The following KCNQ1OT1 variants were observed in gnomAD, a reference collection of about 807,000 sequenced individuals.
KCNQ1OT1 encodes the protein KCNQ1 opposite strand/antisense transcript 1.
In KCNQ1OT1 at chr11:2,664,084, G is replaced by T. The variant is rs1468591028; in HGVS notation, n.35911C>A. 2.5e-6 allele frequency: 1 copy of T among 398,620 alleles called. No homozygotes were observed. The highest frequency in any genetic ancestry group is 4.4e-6 in the Non-Finnish European group (1 of 226,178). 24.7% of individuals were successfully genotyped at this position (398,620 alleles called of 1,614,324 possible). A position where few individuals can be genotyped will look rare whatever the true frequency, so the allele number is the denominator to read the frequency against. On this transcript the variant is annotated non_coding_transcript_exon_variant, in exon 1 of 1. Transcript: ENST00000597346. The surrounding 1 kb of genome is among the most constrained non-coding windows in gnomAD (Gnocchi z 5.1). ...TCCAGTGATAAGTGGGCCCAGGCAG[G>T]TCAGAGACTCCAGTCATTACCCAAC...
At position 2,682,774 on chromosome 11, in the gene KCNQ1OT1, G is replaced by A; in HGVS notation, n.17221C>T. Reference sequence around the variant, plus strand: ...CTCTGTTGACATTCTAGAAATGCAGGGAAATCTGGGCACCATGAAATGCAG... The same window carrying A: ...CTCTGTTGACATTCTAGAAATGCAGAGAAATCTGGGCACCATGAAATGCAG... On this transcript the variant is annotated non_coding_transcript_exon_variant, in exon 1 of 1. Coordinates refer to ENST00000597346, the Ensembl canonical transcript of KCNQ1OT1. The surrounding 1 kb of genome is among the most constrained non-coding windows in gnomAD (Gnocchi z 5.8). 2.5e-6 allele frequency: 1 copy of A among 398,628 alleles called. No individual in the cohort carries two copies. Among genetic ancestry groups the A allele is most frequent in the Non-Finnish European group, 4.4e-6 (1 of 226,082 alleles). The allele number at this position is 398,628 out of a possible 1,614,324, so 24.7% of individuals were successfully genotyped here.
At chr11:2,618,843 G>A (rs534879363) in exon 1 of KCNQ1OT1, 47 of 398,044 alleles carry the variant, frequency 1.2e-4, no homozygotes, top group Non-Finnish European at 1.9e-4. Context: ...TTTGTATCTT[G>A]TTTAATTTCT....
At position 2,687,611 on chromosome 11, in the gene KCNQ1OT1, C is replaced by A; in HGVS notation, n.12384G>T. On this transcript the variant is annotated non_coding_transcript_exon_variant, in exon 1 of 1. Transcript: ENST00000597346. The surrounding 1 kb of genome is among the most constrained non-coding windows in gnomAD (Gnocchi z 5.0). ...GACTGAGAAAGGAAGGGGCAGAGATCCCTTCTCCATTCCTCTCAGGCCCCT... is the reference window on the plus strand; with the variant it reads ...GACTGAGAAAGGAAGGGGCAGAGATACCTTCTCCATTCCTCTCAGGCCCCT... The A allele has an allele frequency of 2.5e-6, 1 of 398,798 alleles. No individual in the cohort carries two copies. Among genetic ancestry groups the A allele is most frequent in the Non-Finnish European group, 4.4e-6 (1 of 226,200 alleles). The allele number at this position is 398,798 out of a possible 1,614,324, so 24.7% of individuals were successfully genotyped here.
At chr11:2,667,672 G>A (rs1464523690) in exon 1 of KCNQ1OT1, 7 of 398,576 alleles carry the variant, frequency 1.8e-5, no homozygotes, top group Non-Finnish European at 2.7e-5. Context: ...CAGAGCCTCT[G>A]GAGGCTGAAG....
In KCNQ1OT1 at chr11:2,668,045, A is replaced by G; in HGVS notation, n.31950T>C. The G allele has an allele frequency of 2.5e-6, 1 of 398,600 alleles. No homozygotes were observed. The highest frequency in any genetic ancestry group is 4.4e-6 in the Non-Finnish European group (1 of 226,068). The allele number at this position is 398,600 out of a possible 1,614,324, so 24.7% of individuals were successfully genotyped here. On this transcript the variant is annotated non_coding_transcript_exon_variant, in exon 1 of 1. Transcript: ENST00000597346. The surrounding 1 kb of genome is among the most constrained non-coding windows in gnomAD (Gnocchi z 4.3). ...AGCAGCAAGGACCAGCTTTGCCCAC[A>G]TTTGAACTTTATGCGGTGGGAATGA...
exon 1 of KCNQ1OT1, chr11:2,665,566 T>C (rs908138167): frequency 7.6e-5 from 30 of 395,138 alleles, no homozygotes; most frequent in Non-Finnish European, 1.2e-4. Flanking sequence ...CAGATTTCCA[T>C]TCATCTTTCC....
At chr11:2,699,434 G>A (rs1850735470) in exon 1 of KCNQ1OT1, 2 of 402,158 alleles carry the variant, frequency 5.0e-6, no homozygotes, top group Middle Eastern at 6.3e-4. Context: ...AGGAGAGTCT[G>A]GGAGAACCGC....
Position 2,624,410 on chromosome 11 carries a change from T to G in KCNQ1OT1, n.75585A>C. 2.5e-6 allele frequency: 1 copy of G among 398,506 alleles called. No individual in the cohort carries two copies. The highest frequency in any genetic ancestry group is 4.4e-6 in the Non-Finnish European group (1 of 226,022). 24.7% of individuals were successfully genotyped at this position (398,506 alleles called of 1,614,324 possible). On this transcript the variant is annotated non_coding_transcript_exon_variant, in exon 1 of 1. Coordinates refer to ENST00000597346, the Ensembl canonical transcript of KCNQ1OT1. This position sits in a 1 kb window ranked among gnomAD's most constrained non-coding sequence, Gnocchi z 4.9. ...CAGTATGTTTTACAGAGCAGAAACTTTTATTTTTAACAAAGTCTAGCTTAT... is the reference window on the plus strand; with the variant it reads ...CAGTATGTTTTACAGAGCAGAAACTGTTATTTTTAACAAAGTCTAGCTTAT...
exon 1 of KCNQ1OT1, chr11:2,688,535 G>T: frequency 2.5e-6 from 1 of 398,704 alleles, no homozygotes; most frequent in South Asian, 1.3e-4. Context: ...CCAGGCCAGT[G>T]GCCCTAGTGT....
rs1280785208 is a variant in KCNQ1OT1, at chr11:2,648,779, T to C, written n.51216A>G. Reference sequence around the variant, plus strand: ...CCTTGTTGATATTTTTCCATCCAAATGAATTGTCCAATGCTGAGTATGAAA... The same window carrying C: ...CCTTGTTGATATTTTTCCATCCAAACGAATTGTCCAATGCTGAGTATGAAA... On this transcript the variant is annotated non_coding_transcript_exon_variant, in exon 1 of 1. Transcript: ENST00000597346. 5 of 398,392 alleles carry C rather than the reference T, an allele frequency of 1.3e-5. No homozygotes were observed. In the Admixed American group the frequency reaches 1.3e-4, roughly 11 times the overall value. 24.7% of individuals were successfully genotyped at this position (398,392 alleles called of 1,614,324 possible).
exon 1 of KCNQ1OT1, chr11:2,656,061 G>A (rs971157096): frequency 5.0e-6 from 2 of 398,538 alleles, no homozygotes; most frequent in Admixed American, 8.8e-5. Flanking sequence ...TTGGCCCTCA[G>A]GCTTTGGAGA....
chr11:2,618,001 G>A (rs1411813243), exon 1 of KCNQ1OT1: 5 of 398,252 alleles, frequency 1.3e-5, no homozygotes, highest in East Asian at 7.1e-5. Flanking sequence ...TCCTTTTGTT[G>A]ACTGTTTCCG....
At chr11:2,699,121 C>T (rs2133901433) in exon 1 of KCNQ1OT1, 3 of 398,652 alleles carry the variant, frequency 7.5e-6, no homozygotes, top group South Asian at 1.3e-4. Flanking sequence ...AACCACGATG[C>T]GGATTCCAGA....
At position 2,612,123 on chromosome 11, in the gene KCNQ1OT1, ACT is replaced by A; in HGVS notation, n.87870_87871del. The A allele has an allele frequency of 1.8e-5, 7 of 398,592 alleles. No homozygotes were observed. The highest frequency in any genetic ancestry group is 3.1e-5 in the Non-Finnish European group (7 of 226,058). The allele number at this position is 398,592 out of a possible 1,614,324, so 24.7% of individuals were successfully genotyped here. A position where few individuals can be genotyped will look rare whatever the true frequency, so the allele number is the denominator to read the frequency against. Reference sequence around the variant, plus strand: ...GGGGTTCCCAACCCCAGGGCCATGGACTGGTACCAGTCTGTGGCCTATTAGAA... The same window carrying A: ...GGGGTTCCCAACCCCAGGGCCATGGAGGTACCAGTCTGTGGCCTATTAGAA... On this transcript the variant is annotated non_coding_transcript_exon_variant, in exon 1 of 1. Coordinates refer to ENST00000597346, the Ensembl canonical transcript of KCNQ1OT1. The surrounding 1 kb of genome is among the most constrained non-coding windows in gnomAD (Gnocchi z 5.5).
Position 2,658,674 on chromosome 11 carries a change from GA to G in KCNQ1OT1, n.41320del. 1 of 398,416 alleles carries G rather than the reference GA, an allele frequency of 2.5e-6. No individual in the cohort carries two copies. The highest frequency in any genetic ancestry group is 4.4e-6 in the Non-Finnish European group (1 of 226,022). The allele number at this position is 398,416 out of a possible 1,614,324, so 24.7% of individuals were successfully genotyped here. ...TCATTGCTTCAGTCTCCTCTCAGTG[GA>G]CAGAGCTAGGAAATATATGTATGTA... On this transcript the variant is annotated non_coding_transcript_exon_variant, in exon 1 of 1. Coordinates refer to ENST00000597346, the Ensembl canonical transcript of KCNQ1OT1. This position sits in a 1 kb window ranked among gnomAD's most constrained non-coding sequence, Gnocchi z 4.9.
In KCNQ1OT1 at chr11:2,661,811, A is replaced by T; in HGVS notation, n.38184T>A. On this transcript the variant is annotated non_coding_transcript_exon_variant, in exon 1 of 1. Transcript: ENST00000597346. This position sits in a 1 kb window ranked among gnomAD's most constrained non-coding sequence, Gnocchi z 5.9. ...CCATCTTAAACACCCACCCACCCCA[A>T]CACCCAACTATAAAACTGATTGTCA... is the stretch of plus-strand genomic sequence containing the variant. The T allele has an allele frequency of 1.0e-6, 1 of 956,156 alleles. No homozygotes were observed. The highest frequency in any genetic ancestry group is 1.6e-6 in the Non-Finnish European group (1 of 615,318). 59.2% of individuals were successfully genotyped at this position (956,156 alleles called of 1,614,324 possible).
In KCNQ1OT1 at chr11:2,651,103, T is replaced by A; in HGVS notation, n.48892A>T. Reference sequence around the variant, plus strand: ...CTGGTCTCTTGATTTCCACTCTTGCTTCCTGTACTCCATTCTTCACATAAC... The same window carrying A: ...CTGGTCTCTTGATTTCCACTCTTGCATCCTGTACTCCATTCTTCACATAAC... On this transcript the variant is annotated non_coding_transcript_exon_variant, in exon 1 of 1. Coordinates refer to ENST00000597346, the Ensembl canonical transcript of KCNQ1OT1. This position sits in a 1 kb window ranked among gnomAD's most constrained non-coding sequence, Gnocchi z 6.1. 1 of 398,744 alleles carries A rather than the reference T, an allele frequency of 2.5e-6. No homozygotes were observed. The highest frequency in any genetic ancestry group is 4.4e-6 in the Non-Finnish European group (1 of 226,126). 24.7% of individuals were successfully genotyped at this position (398,744 alleles called of 1,614,324 possible).
chr11:2,622,610 TACA>T (rs1175831612), exon 1 of KCNQ1OT1: 6 of 398,510 alleles, frequency 1.5e-5, no homozygotes, highest in Admixed American at 1.3e-4. Context: ...ATTTTTTAAA[TACA>T]ACATTTCCTC....
At chr11:2,632,223 T>G in exon 1 of KCNQ1OT1, 1 of 398,168 alleles carries the variant, frequency 2.5e-6, no homozygotes, top group Non-Finnish European at 4.4e-6. Flanking sequence ...CTGAATTTTG[T>G]GTACTGACTT....
Sources: allele counts gnomAD v4.1 joint callset, GRCh38; gene constraint gnomAD v4.1.1; non-coding constraint Gnocchi (gnomAD v3.1); transcripts MANE v1.5; gene names NCBI Gene and HGNC (gene_info 2026-07-23, HGNC 2026-07-21).